The following ZNF436 variants were observed in gnomAD, a reference collection of about 807,000 sequenced individuals.
ZNF436 encodes zinc finger protein 436.
A neutral mutation model predicts 41.9 loss-of-function variants in ZNF436; 22 were observed. That is an observed-to-expected ratio of 0.53 (90% CI 0.38 to 0.75). ZNF436 has a LOEUF of 0.75. ZNF436 is among the 30% of genes least tolerant of loss of function. The pLI is 0.00. For missense variants in ZNF436, 506 were observed against 587.3 expected (o/e 0.86, Z 1.43); for synonymous variants, 217 against 197.8 (o/e 1.10, Z -0.82).
chr1:23,363,674 G>A (rs910498608), intron 3 of ZNF436, among the ~76,000 whole-genome samples: 1 of 152,112 alleles, frequency 6.6e-6, no homozygotes, highest in African/African-American at 2.4e-5. Flanking sequence ...CATAGTAAAT[G>A]GTAGAGCCAG....
At chr1:23,367,886 A>G in intron 2 of ZNF436, 87 bp downstream of exon 2, 1 of 1,472,208 alleles carries the variant, frequency 6.8e-7, no homozygotes, top group East Asian at 2.3e-5. Flanking sequence ...AATCCCAGGG[A>G]ATTTCCCACA....
chr1:23,365,707 C>CT (rs1388702432), intron 3 of ZNF436, among the ~76,000 whole-genome samples: 2 of 151,126 alleles, frequency 1.3e-5, no homozygotes, highest in Non-Finnish European at 1.5e-5. Context: ...GACTGAGACT[C>CT]TGTTTCAAAA....
chr1:23,367,254 A>C (rs1009525506), intron 2 of ZNF436, 86 bp from the exon 3 acceptor site: 2 of 1,426,398 alleles, frequency 1.4e-6, no homozygotes, highest in African/African-American at 1.4e-5. Flanking sequence ...AGGAGGAAAA[A>C]TATATTAAAT....
At chr1:23,368,516 G>C (rs1638417312) in intron 1 of ZNF436, 1 of 155,306 alleles carries the variant, frequency 6.4e-6, no homozygotes, top group Admixed American at 6.4e-5. Context: ...ATGGCCTGCC[G>C]GGAGTTGGAG....
At position 23,360,892 on chromosome 1, in the gene ZNF436, A is replaced by G. The variant is rs1458316963; in HGVS notation, c.*1077T>C. The G allele has an allele frequency of 6.5e-6, 1 of 152,680 alleles. No individual in the cohort carries two copies. Among genetic ancestry groups the G allele is most frequent in the Non-Finnish European group, 1.5e-5 (1 of 68,054 alleles). The allele number at this position is 152,680 out of a possible 1,614,324, so 9.5% of individuals were successfully genotyped here. ...CACATGACTCACATCACCCAAGAAC[A>G]TGCTAAGTCTCTGTAAATTCAGTTT... On this transcript the variant is annotated 3_prime_UTR_variant, in exon 4 of 4. Transcript: ENST00000314011.
chr1:23,363,523 C>T (rs1361140380), intron 3 of ZNF436, among the ~76,000 whole-genome samples: 1 of 152,104 alleles, frequency 6.6e-6, no homozygotes, highest in Admixed American at 6.6e-5. Flanking sequence ...TTCTGAGCCA[C>T]TGTGGCCAGC....
intron 1 of ZNF436, 137 bp downstream of exon 1, chr1:23,369,229 G>C (rs1366435550): frequency 1.4e-5 from 6 of 432,702 alleles, no homozygotes; most frequent in South Asian, 3.6e-5. Flanking sequence ...TGCTACAGGG[G>C]CTCCCAGCGG....
intron 3 of ZNF436, among the ~76,000 whole-genome samples, chr1:23,363,554 G>A (rs561037907): frequency 1.8e-4 from 27 of 152,096 alleles, no homozygotes; most frequent in Non-Finnish European, 2.9e-4. Flanking sequence ...TATATTCTTC[G>A]TCACATATAT....
At chr1:23,365,162 G>A (rs1262561348) in intron 3 of ZNF436, among the ~76,000 whole-genome samples, 1 of 151,992 alleles carries the variant, frequency 6.6e-6, no homozygotes, top group Admixed American at 6.6e-5. Flanking sequence ...GGGAGGCCGA[G>A]GTGGGCAGAT....
Position 23,361,045 on chromosome 1 carries a change from A to T in ZNF436, c.*924T>A, listed in dbSNP as rs1646992679. On this transcript the variant is annotated 3_prime_UTR_variant, in exon 4 of 4. Transcript: ENST00000314011. ...GCAGGATAGGAAGAGTTGATCTTAA[A>T]GATTAGAAGGGAAAGAACACAGAAA... 1 of 152,382 alleles carries T rather than the reference A, an allele frequency of 6.6e-6. No individual in the cohort carries two copies. Among genetic ancestry groups the T allele is most frequent in the Non-Finnish European group, 1.5e-5 (1 of 68,024 alleles). 9.4% of individuals were successfully genotyped at this position (152,382 alleles called of 1,614,324 possible). A position where few individuals can be genotyped will look rare whatever the true frequency, so the allele number is the denominator to read the frequency against.
In ZNF436 at chr1:23,363,043, C is replaced by T; in HGVS notation, c.339G>A (p.Glu113=). 6.2e-7 allele frequency: 1 copy of T among 1,614,188 alleles called. No homozygotes were observed. Among genetic ancestry groups the T allele is most frequent in the Non-Finnish European group, 8.5e-7 (1 of 1,180,044 alleles). Residue 113 remains glutamate, a synonymous_variant, in exon 4 of 4, where the codon GAG becomes GAA. Coordinates refer to ENST00000314011, the MANE Select transcript of ZNF436 (RefSeq NM_001077195.2). ...ERQWGDLTAE[E]WVSYPLQPVT... is the part of the protein sequence containing the mutation. Reference sequence around the variant, plus strand: ...CTGGTTGGAGAGGATAGCTTACCCACTCTTCTGCTGTTAAATCTCCCCATT... The same window carrying T: ...CTGGTTGGAGAGGATAGCTTACCCATTCTTCTGCTGTTAAATCTCCCCATT...
At chr1:23,367,577 G>C (rs1021210101) in intron 2 of ZNF436, among the ~76,000 whole-genome samples, 1 of 152,106 alleles carries the variant, frequency 6.6e-6, no homozygotes, top group African/African-American at 2.4e-5. Context: ...CACTCCCCTT[G>C]GATGCCCCAG....
chr1:23,365,600 G>A (rs1412187720), intron 3 of ZNF436, among the ~76,000 whole-genome samples: 1 of 151,842 alleles, frequency 6.6e-6, no homozygotes, highest in Non-Finnish European at 1.5e-5. Context: ...TGTAATCACA[G>A]CTAGTCGGGA....
At chr1:23,369,163 A>C (rs1273371334) in intron 1 of ZNF436, 14 of 371,172 alleles carry the variant, frequency 3.8e-5, no homozygotes, top group Non-Finnish European at 5.6e-6. Flanking sequence ...TAAGGAGGAG[A>C]TAGCCAGGCC....
Position 23,362,944 on chromosome 1 carries a change from G to A in ZNF436, c.438C>T (p.Ala146=). 1 of 1,614,158 alleles carries A rather than the reference G, an allele frequency of 6.2e-7. No homozygotes were observed. Among genetic ancestry groups the A allele is most frequent in the Non-Finnish European group, 8.5e-7 (1 of 1,180,032 alleles). Residue 146 remains alanine (A), a synonymous_variant, in exon 4 of 4, where the codon GCC becomes GCT. Coordinates refer to ENST00000314011, the MANE Select transcript of ZNF436 (RefSeq NM_001077195.2). ...RYHICSHCGK[A]FSQISDLNRH... is the part of the protein sequence containing the mutation. ...GATTAAGGTCTGAGATCTGACTGAA[G>A]GCCTTTCCACAATGAGAACATATAT... is the stretch of plus-strand genomic sequence containing the variant.
intron 3 of ZNF436, among the ~76,000 whole-genome samples, chr1:23,364,065 C>T (rs1157129486): frequency 6.6e-6 from 1 of 151,882 alleles, no homozygotes; most frequent in Non-Finnish European, 1.5e-5. Context: ...TATATATATT[C>T]GTGTTTTGAA....
intron 3 of ZNF436, among the ~76,000 whole-genome samples, chr1:23,365,131 C>T (rs1378719115): frequency 6.6e-6 from 1 of 151,824 alleles, no homozygotes; most frequent in Non-Finnish European, 1.5e-5. Context: ...CGGTGGCTCA[C>T]GTCTATAATC....
intron 3 of ZNF436, among the ~76,000 whole-genome samples, chr1:23,365,578 G>A (rs1466901785): frequency 6.6e-6 from 1 of 151,864 alleles, no homozygotes; most frequent in Non-Finnish European, 1.5e-5. Flanking sequence ...GCTGAGCGTG[G>A]TGGCATGCAC....
At position 23,359,860 on chromosome 1, in the gene ZNF436, T is replaced by C. The variant is rs956781400; in HGVS notation, c.*2109A>G. The C allele has an allele frequency of 1.3e-5, 2 of 152,494 alleles. No homozygotes were observed. Among genetic ancestry groups the C allele is most frequent in the East Asian group, 1.9e-4 (1 of 5,196 alleles). The allele number at this position is 152,494 out of a possible 1,614,324, so 9.4% of individuals were successfully genotyped here. The stretch of plus-strand genomic sequence containing the variant: ...AGCCAAAAGCAGCAGCAGGAACTGG[T>C]TGGGGTGGGGCAAGAACAGTAGGGA... On this transcript the variant is annotated 3_prime_UTR_variant, in exon 4 of 4. Coordinates refer to ENST00000314011, the MANE Select transcript of ZNF436 (RefSeq NM_001077195.2).
Sources: gnomAD v4.1 joint callset for allele counts (sites outside exome capture counted in the v4.1 genomes callset) on GRCh38, gnomAD v4.1.1 for gene constraint, MANE v1.5 for transcripts, NCBI Gene and HGNC (gene_info 2026-07-23, HGNC 2026-07-21) for gene names.